ATP5MK: variants seen among roughly 807,000 people sequenced by gnomAD.
ATP5MK encodes ATP synthase membrane subunit k, also known as ATP synthase F(0) complex subunit k, mitochondrial.
In ATP5MK, 5 loss-of-function variants were observed where a neutral mutation model predicts 6.6. The observed-to-expected ratio is 0.76, with a 90% CI of 0.40 to 1.60. The LOEUF (loss-of-function observed/expected upper bound fraction) is 1.60. Among genes scored for constraint, ATP5MK ranks in the 40% most tolerant of loss-of-function variants. The pLI is 0.02. For synonymous variants in ATP5MK, 30 were observed against 24.5 expected, an observed-to-expected ratio of 1.22 and a Z score of -0.66; for missense variants, 57 against 66.6, an observed-to-expected ratio of 0.86 and a Z score of 0.50.
At chr10:103,394,262 A>G (rs372080849) in intron 2 of ATP5MK, 23 of 532,816 alleles carry the variant, frequency 4.3e-5, no homozygotes, top group Non-Finnish European at 7.7e-5. Flanking sequence ...GGTCACCAGA[A>G]CAAGAGCTGA....
chr10:103,389,877 G>A (rs2093408812), intron 4 of ATP5MK, among the ~76,000 whole-genome samples: 1 of 151,116 alleles, frequency 6.6e-6, no homozygotes, highest in South Asian at 2.1e-4. Flanking sequence ...GATTACAGGT[G>A]CCTGCCACCA....
intron 2 of ATP5MK, among the ~76,000 whole-genome samples, chr10:103,393,952 T>C (rs1207391292): frequency 2.6e-5 from 4 of 152,224 alleles, no homozygotes; most frequent in Admixed American, 1.3e-4. Context: ...AGCACGTCAA[T>C]GGTTCTGGGT....
At chr10:103,392,089 A>G in intron 4 of ATP5MK, 102 bp downstream of exon 4, 1 of 1,067,094 alleles carries the variant, frequency 9.4e-7, no homozygotes, top group East Asian at 2.5e-5. Flanking sequence ...GTATGCTATA[A>G]ATTTTGCAAA....
chr10:103,392,154 T>TGG, intron 4 of ATP5MK, 37 bp downstream of exon 4: 1 of 1,546,902 alleles, frequency 6.5e-7, no homozygotes, highest in Non-Finnish European at 8.8e-7. Context: ...AACATCAAAA[T>TGG]GGCTAAATTA....
intron 4 of ATP5MK, among the ~76,000 whole-genome samples, chr10:103,390,751 T>C (rs1053771997): frequency 2.0e-5 from 3 of 150,018 alleles, no homozygotes; most frequent in African/African-American, 7.4e-5. Flanking sequence ...GATCATGCCA[T>C]TGCACTCCAG....
At chr10:103,392,122 C>G in intron 4 of ATP5MK, 69 bp downstream of exon 4, 1 of 1,415,372 alleles carries the variant, frequency 7.1e-7, no homozygotes. Flanking sequence ...TATTTTTATA[C>G]TAAATGTTAG....
intron 2 of ATP5MK, 61 bp from the exon 3 acceptor site, chr10:103,392,527 A>C (rs1214513023): frequency 2.2e-6 from 3 of 1,348,066 alleles, no homozygotes; most frequent in African/African-American, 3.0e-5. Context: ...AAAGTAAATA[A>C]ATTTTGTCTT....
intron 4 of ATP5MK, among the ~76,000 whole-genome samples, chr10:103,390,503 T>C (rs117222357): frequency 6.9e-6 from 1 of 145,164 alleles, no homozygotes; most frequent in African/African-American, 2.6e-5. Context: ...AAGAAAAATA[T>C]CCGGGCTGGG....
At chr10:103,391,939 T>C (rs1202997574) in intron 4 of ATP5MK, among the ~76,000 whole-genome samples, 2 of 152,146 alleles carry the variant, frequency 1.3e-5, no homozygotes, top group Non-Finnish European at 2.9e-5. Flanking sequence ...TTTTTGTTTT[T>C]TGGTAGAGAT....
At chr10:103,390,038 T>G (rs1333596852) in intron 4 of ATP5MK, among the ~76,000 whole-genome samples, 3 of 151,098 alleles carry the variant, frequency 2.0e-5, no homozygotes, top group African/African-American at 7.3e-5. Context: ...AGCCTCTCCA[T>G]TTTTGTAATG....
At chr10:103,393,963 C>G (rs2093422296) in intron 2 of ATP5MK, among the ~76,000 whole-genome samples, 1 of 152,198 alleles carries the variant, frequency 6.6e-6, no homozygotes, top group East Asian at 1.9e-4. Context: ...GGTTCTGGGT[C>G]TTGTCCCTAG....
rs749315768 is a variant in ATP5MK at position 103,392,286 on chromosome 10, GAGAA to G, written c.88-7_88-4del. On this transcript the variant is annotated splice_region_variant and splice_polypyrimidine_tract_variant and intron_variant, in intron 3 of 4. Transcript: ENST00000369815. ...CTTCCATATGTGGCCAGTACACACT[GAGAA>G]AGAAAGAAAAAAGTAAACAAGACTT... 39 of 1,605,128 alleles carry G rather than the reference GAGAA, an allele frequency of 2.4e-5. No individual in the cohort carries two copies. Among genetic ancestry groups the G allele is most frequent in the East Asian group, 1.3e-4 (6 of 44,782 alleles).
chr10:103,394,302 A>G, intron 2 of ATP5MK: 2 of 534,184 alleles, frequency 3.7e-6, no homozygotes, highest in Non-Finnish European at 3.9e-6. Context: ...CCTATCTACC[A>G]CGACCGACGC....
chr10:103,392,420 G>A lies in ATP5MK; in HGVS notation c.38C>T (p.Thr13Ile). The part of the protein sequence containing the change: ...GPESDAQYQF[T>I]GIKKYFNSYT... The stretch of plus-strand genomic sequence containing the variant: ...AGAGTTGAAATATTTTTTAATACCA[G>A]TGAACTGGTATTGCGCATCACTTTC... Residue 13 changes from threonine to isoleucine, a missense_variant, in exon 3 of 5, where the codon ACT becomes ATT. By Grantham distance (89) the Thr-to-Ile change is moderately conservative. Transcript: ENST00000369815. 6.2e-7 allele frequency: 1 copy of A among 1,607,638 alleles called. No homozygotes were observed. The highest frequency in any genetic ancestry group is 8.5e-7 in the Non-Finnish European group (1 of 1,178,184).
rs904374529 is a variant in ATP5MK, at chr10:103,396,005, T to C, written c.-269A>G. 4.6e-5 allele frequency: 7 copies of C among 152,234 alleles called. No homozygotes were observed. Among genetic ancestry groups the C allele is most frequent in the African/African-American group, 1.7e-4 (7 of 41,460 alleles). 9.4% of individuals were successfully genotyped at this position (152,234 alleles called of 1,614,324 possible). A position where few individuals can be genotyped will look rare whatever the true frequency, so the allele number is the denominator to read the frequency against. ...AAGGAGGCCCGGCTGGCCAGCTTCC[T>C]AAAGCACAGCTCGGTGGGAACAAAC... On this transcript the variant is annotated 5_prime_UTR_variant, in exon 2 of 5. Coordinates refer to ENST00000369815, the MANE Select transcript of ATP5MK (RefSeq NM_001206427.2).
At chr10:103,393,133 C>G (rs1194270812) in intron 2 of ATP5MK, among the ~76,000 whole-genome samples, 1 of 151,356 alleles carries the variant, frequency 6.6e-6, no homozygotes, top group African/African-American at 2.4e-5. Flanking sequence ...AGAAAAAAAG[C>G]CAAAAACCAA....
intron 4 of ATP5MK, 59 bp downstream of exon 4, chr10:103,392,132 G>T: frequency 1.4e-6 from 2 of 1,470,454 alleles, no homozygotes; most frequent in African/African-American, 1.4e-5. Context: ...CTAAATGTTA[G>T]GGAAAAATCC....
rs2093416618 is a variant in ATP5MK, at chr10:103,392,245, GAC to G, written c.124_125del (p.Val42LeufsTer21). On this transcript the variant is annotated frameshift_variant, in exon 4 of 5. Coordinates refer to ENST00000369815, the MANE Select transcript of ATP5MK (RefSeq NM_001206427.2). LOFTEE classifies it high-confidence loss of function. The stretch of plus-strand genomic sequence containing the variant: ...TTTTGGACCTTAACTTGAAATATAA[GAC>G]AATCAATGCAATGCTTCCATATGTG... Reference protein sequence around the residue: ...LATYGSIALIVLYFKLRSKKT... With the variant: ...LATYGSIALIXLYFKLRSKKT... The G allele has an allele frequency of 3.1e-6, 5 of 1,613,424 alleles. No homozygotes were observed. The highest frequency in any genetic ancestry group is 4.2e-6 in the Non-Finnish European group (5 of 1,179,824).
At chr10:103,392,095 G>T in intron 4 of ATP5MK, 96 bp downstream of exon 4, 1 of 1,109,640 alleles carries the variant, frequency 9.0e-7, no homozygotes, top group Non-Finnish European at 1.3e-6. Context: ...TATAAATTTT[G>T]CAAAATGACA....
Sources: gnomAD v4.1 joint callset for allele counts (sites outside exome capture counted in the v4.1 genomes callset) on GRCh38, gnomAD v4.1.1 for gene constraint, MANE v1.5 for transcripts, NCBI Gene and HGNC (gene_info 2026-07-23, HGNC 2026-07-21) for gene names.